The following MMAB variants were observed in gnomAD, a reference collection of about 807,000 sequenced individuals.
The protein encoded by MMAB is metabolism of cobalamin associated B, also known as corrinoid adenosyltransferase MMAB.
Under a neutral mutation model 30.6 loss-of-function variants are expected in MMAB, and 17 were observed. The observed-to-expected ratio is 0.56, with a 90% CI of 0.38 to 0.83. The LOEUF (loss-of-function observed/expected upper bound fraction) is 0.83, where lower values mean the gene tolerates loss of function less well. Among genes scored for constraint, MMAB ranks in the 40% least tolerant of loss-of-function variants. The pLI, the probability that MMAB is intolerant of heterozygous loss-of-function variation, is 0.00. For synonymous variants in MMAB, 134 were observed against 138.6 expected (o/e 0.97, Z 0.23); for missense variants, 311 against 331.6 (o/e 0.94, Z 0.48).
chr12:109,561,061 A>C lies in MMAB; in HGVS notation c.563T>G (p.Val188Gly), dbSNP rs869320654. The C allele has an allele frequency of 6.3e-7, 1 of 1,587,496 alleles. No individual in the cohort carries two copies. Among genetic ancestry groups the C allele is most frequent in the Middle Eastern group, 1.7e-4 (1 of 5,944 alleles). Reference sequence around the variant, plus strand: ...TTACCGTCTCTCGGCCCGGCGGCACACGGCCCGGCAGAAATGCAGCGCCGA... The same window carrying C: ...TTACCGTCTCTCGGCCCGGCGGCACCCGGCCCGGCAGAAATGCAGCGCCGA... ...ISSALHFCRAVCRRAERRVVP... is the reference protein window; with the variant it reads ...ISSALHFCRAGCRRAERRVVP... The change falls in exon 7 of 9, where the codon GTG becomes GGG. Residue 188 changes from valine to glycine, a missense_variant. Transcript: ENST00000545712. The surrounding 1 kb of genome is among the most constrained non-coding windows in gnomAD (Gnocchi z 5.3).
Position 109,566,463 on chromosome 12 carries a change from G to A in MMAB, c.291-1287C>T, listed in dbSNP as rs532604340. On this transcript the variant is annotated intron_variant, in intron 3 of 8. Transcript: ENST00000545712. ...CCAAAGGGAGGGCTGTGCAGGCTGGGACACAGTCTGTCTCCATCATAGCGG... is the reference window on the plus strand; with the variant it reads ...CCAAAGGGAGGGCTGTGCAGGCTGGAACACAGTCTGTCTCCATCATAGCGG... Among the ~76,000 whole-genome samples, 3 of 152,370 alleles carry A rather than the reference G, an allele frequency of 2.0e-5. No individual in the cohort carries two copies. The South Asian group carries it at 6.2e-4, about 32-fold the overall frequency.
chr12:109,572,493 ACTC>A (rs1884681945), intron 1 of MMAB, among the ~76,000 whole-genome samples: 1 of 145,984 alleles, frequency 6.9e-6, no homozygotes, highest in South Asian at 2.2e-4. Flanking sequence ...CTCAAGCAAT[ACTC>A]CTGCCTCAAA....
chr12:109,573,425 C>A lies in MMAB; in HGVS notation c.56G>T (p.Arg19Leu), dbSNP rs10774775. The A allele has an allele frequency of 6.2e-7, 1 of 1,608,014 alleles. No individual in the cohort carries two copies. ...RLGLGSRLGL[R>L]GCFGAARLLY... Reference sequence around the variant, plus strand: ...GAGCCTGGCGGCGCCGAAGCACCCGCGCAGGCCAAGACGGCTCCCCAGGCC... The same window carrying A: ...GAGCCTGGCGGCGCCGAAGCACCCGAGCAGGCCAAGACGGCTCCCCAGGCC... Residue 19 changes from arginine (R) to leucine (L), a missense_variant, in exon 1 of 9, where the codon CGC becomes CTC. Coordinates refer to ENST00000545712, the MANE Select transcript of MMAB (RefSeq NM_052845.4).
rs563277668 is a variant in MMAB, at chr12:109,564,959, T to C, written c.348+160A>G. On this transcript the variant is annotated intron_variant, in intron 4 of 8. Transcript: ENST00000545712. ...CTGAGATTGCAGGTGTGAGCCACCA[T>C]ACCTGGCCTGTCCGCATTTTACAGA... The C allele has an allele frequency of 6.6e-6, 5 of 761,216 alleles. No individual in the cohort carries two copies. In the Admixed American group the frequency reaches 7.0e-5, roughly 11 times the overall value. 47.2% of individuals were successfully genotyped at this position (761,216 alleles called of 1,614,324 possible). A position where few individuals can be genotyped will look rare whatever the true frequency, so the allele number is the denominator to read the frequency against.
At position 109,563,717 on chromosome 12, in the gene MMAB, C is replaced by T. The variant is rs72650189; in HGVS notation, c.348+1402G>A. 9.0e-4 allele frequency among the ~76,000 whole-genome samples: 137 copies of T among 152,344 alleles called. 1 individual carries two copies. Among genetic ancestry groups the T allele is most frequent in the Non-Finnish European group, 5.1e-4 (35 of 68,028 alleles). ...TCAGGAGGTTGAAAGCCTTCCTCCACCACACAGAATGTTCTGGCAGCTGAG... is the reference window on the plus strand; with the variant it reads ...TCAGGAGGTTGAAAGCCTTCCTCCATCACACAGAATGTTCTGGCAGCTGAG... On this transcript the variant is annotated intron_variant, in intron 4 of 8. Transcript: ENST00000545712.
At chr12:109,570,496 C>CTT (rs1593005333) in intron 2 of MMAB, among the ~76,000 whole-genome samples, 2 of 152,278 alleles carry the variant, frequency 1.3e-5, no homozygotes, top group East Asian at 3.9e-4. Flanking sequence ...CCCGTACATG[C>CTT]TTTTATACTT....
intron 7 of MMAB, 50 bp from the exon 8 acceptor site, chr12:109,559,205 G>C (rs952626693): frequency 1.4e-6 from 2 of 1,393,244 alleles, no homozygotes; most frequent in Non-Finnish European, 2.0e-6. Context: ...GGCTCAACAG[G>C]CTCTGACCTG....
Position 109,555,603 on chromosome 12 carries a change from C to T in MMAB, c.*1425G>A, listed in dbSNP as rs1470517396. ...GCAAACACTGAGCACCGACTCCGTA[C>T]CAGACCTGGTAGTGACGATGGGGGC... is the stretch of plus-strand genomic sequence containing the variant. On this transcript the variant is annotated 3_prime_UTR_variant, in exon 9 of 9. Transcript: ENST00000545712. 2.2e-6 allele frequency: 1 copy of T among 451,654 alleles called. No individual in the cohort carries two copies. The highest frequency in any genetic ancestry group is 4.4e-6 in the Non-Finnish European group (1 of 225,586). 28.0% of individuals were successfully genotyped at this position (451,654 alleles called of 1,614,324 possible).
At position 109,553,983 on chromosome 12, in the gene MMAB, G is replaced by A. The variant is rs1380058983; in HGVS notation, c.*3045C>T. 2.2e-6 allele frequency: 1 copy of A among 453,964 alleles called. No individual in the cohort carries two copies. The highest frequency in any genetic ancestry group is 2.0e-5 in the African/African-American group (1 of 50,008). 28.1% of individuals were successfully genotyped at this position (453,964 alleles called of 1,614,324 possible). On this transcript the variant is annotated 3_prime_UTR_variant, in exon 9 of 9. Transcript: ENST00000545712. ...AAAAACGCACATTAACGATAGCCAT[G>A]AAATATTAGTTAAGGGAAACTAGGT...
Position 109,568,869 on chromosome 12 carries a change from G to GA in MMAB, c.197-7dup. On this transcript the variant is annotated splice_region_variant and splice_polypyrimidine_tract_variant and intron_variant, in intron 2 of 8. Coordinates refer to ENST00000545712, the MANE Select transcript of MMAB (RefSeq NM_052845.4). The stretch of plus-strand genomic sequence containing the variant: ...TGTGAAGGTACTAGAAAACCCTGTG[G>GA]AAAAAAATGTTTAGCCACCCAAATT... 2 of 1,608,108 alleles carry GA rather than the reference G, an allele frequency of 1.2e-6. No homozygotes were observed. Among genetic ancestry groups the GA allele is most frequent in the East Asian group, 2.2e-5 (1 of 44,852 alleles).
At position 109,561,860 on chromosome 12, in the gene MMAB, G is replaced by A. The variant is rs1468191738; in HGVS notation, c.349-8C>T. Reference sequence around the variant, plus strand: ...CTGCAATGTGCACTGGATCTGGGGGGCGACAGAAAGTGACAGTCAAGATCT... The same window carrying A: ...CTGCAATGTGCACTGGATCTGGGGGACGACAGAAAGTGACAGTCAAGATCT... On this transcript the variant is annotated splice_polypyrimidine_tract_variant and splice_region_variant and intron_variant, in intron 4 of 8. Coordinates refer to ENST00000545712, the MANE Select transcript of MMAB (RefSeq NM_052845.4). This position sits in a 1 kb window ranked among gnomAD's most constrained non-coding sequence, Gnocchi z 5.3. 1 of 1,599,254 alleles carries A rather than the reference G, an allele frequency of 6.3e-7. No individual in the cohort carries two copies. Among genetic ancestry groups the A allele is most frequent in the Non-Finnish European group, 8.5e-7 (1 of 1,171,824 alleles).
intron 3 of MMAB, among the ~76,000 whole-genome samples, chr12:109,567,479 T>TAG (rs1171949179): frequency 2.0e-5 from 3 of 152,136 alleles, no homozygotes; most frequent in African/African-American, 4.8e-5. Flanking sequence ...AGACTGTTGC[T>TAG]GCTCCCCCTG....
chr12:109,560,304 T>C (rs1261213916), intron 7 of MMAB, among the ~76,000 whole-genome samples: 1 of 152,142 alleles, frequency 6.6e-6, no homozygotes, highest in Non-Finnish European at 1.5e-5. Context: ...CATGGTGTCA[T>C]TTCTCTGAGC....
chr12:109,556,995 G>A lies in MMAB; in HGVS notation c.*33C>T. On this transcript the variant is annotated 3_prime_UTR_variant, in exon 9 of 9. Coordinates refer to ENST00000545712, the MANE Select transcript of MMAB (RefSeq NM_052845.4). ...TCCTCTCTCCACGGCCATCGCCATGGAGGGATCCTCCAAGCTCCCACTTTC... is the reference window on the plus strand; with the variant it reads ...TCCTCTCTCCACGGCCATCGCCATGAAGGGATCCTCCAAGCTCCCACTTTC... 1.4e-6 allele frequency: 2 copies of A among 1,442,214 alleles called. No individual in the cohort carries two copies. Among genetic ancestry groups the A allele is most frequent in the South Asian group, 2.3e-5 (2 of 87,764 alleles). 89.3% of individuals were successfully genotyped at this position (1,442,214 alleles called of 1,614,324 possible).
chr12:109,554,303 GTGAC>G lies in MMAB; in HGVS notation c.*2721_*2724del, dbSNP rs1440805759. ...TTCCACAGTGCGGGCTGGTGTCACT[GTGAC>G]TGTGGGCTTCTCTCTGACACAAGAG... On this transcript the variant is annotated 3_prime_UTR_variant, in exon 9 of 9. Coordinates refer to ENST00000545712, the MANE Select transcript of MMAB (RefSeq NM_052845.4). 2.2e-6 allele frequency: 1 copy of G among 453,976 alleles called. No homozygotes were observed. Among genetic ancestry groups the G allele is most frequent in the East Asian group, 6.9e-5 (1 of 14,402 alleles). 28.1% of individuals were successfully genotyped at this position (453,976 alleles called of 1,614,324 possible). A position where few individuals can be genotyped will look rare whatever the true frequency, so the allele number is the denominator to read the frequency against.
chr12:109,571,849 T>C (rs1167842978), intron 1 of MMAB, 139 bp from the exon 2 acceptor site: 3 of 734,386 alleles, frequency 4.1e-6, no homozygotes, highest in Non-Finnish European at 4.9e-6. Context: ...TCATCTCTTG[T>C]TGATTTCTTT....
chr12:109,565,108 G>T lies in MMAB; in HGVS notation c.348+11C>A. 1 of 1,610,532 alleles carries T rather than the reference G, an allele frequency of 6.2e-7. No homozygotes were observed. The highest frequency in any genetic ancestry group is 8.5e-7 in the Non-Finnish European group (1 of 1,176,756). ...GAAGATTCCCAGCTTGGGTGAGATG[G>T]TGTTACTCACTTTCTGAAGCTCTTC... On this transcript the variant is annotated intron_variant, in intron 4 of 8. Coordinates refer to ENST00000545712, the MANE Select transcript of MMAB (RefSeq NM_052845.4).
Position 109,571,841 on chromosome 12 carries a change from A to G in MMAB, c.135-131T>C, listed in dbSNP as rs1327021411. The G allele has an allele frequency of 9.3e-6, 7 of 751,438 alleles. No individual in the cohort carries two copies. The African/African-American group carries it at 1.2e-4, about 13-fold the overall frequency. 46.5% of individuals were successfully genotyped at this position (751,438 alleles called of 1,614,324 possible). ...CTTACCCCTTACTGCTTAGATGGTC[A>G]TCTCTTGTTGATTTCTTTCCCCTAG... is the stretch of plus-strand genomic sequence containing the variant. On this transcript the variant is annotated intron_variant, in intron 1 of 8. Coordinates refer to ENST00000545712, the MANE Select transcript of MMAB (RefSeq NM_052845.4).
rs943685137 is a variant in MMAB at position 109,558,472 on chromosome 12, T to C, written c.644+624A>G. On this transcript the variant is annotated intron_variant, in intron 8 of 8. Coordinates refer to ENST00000545712, the MANE Select transcript of MMAB (RefSeq NM_052845.4). This position sits in a 1 kb window ranked among gnomAD's most constrained non-coding sequence, Gnocchi z 4.3. The stretch of plus-strand genomic sequence containing the variant: ...GTGCAGACCTGCTCCCCCAGCTCTC[T>C]ACCTGCCCCCAGGCTCTGGCCTTGC... Among the ~76,000 whole-genome samples the C allele has an allele frequency of 5.9e-5, 9 of 152,090 alleles. No homozygotes were observed. Among genetic ancestry groups the C allele is most frequent in the African/African-American group, 2.2e-4 (9 of 41,434 alleles).
Sources: gnomAD v4.1 joint callset for allele counts (sites outside exome capture counted in the v4.1 genomes callset) on GRCh38, gnomAD v4.1.1 for gene constraint, Gnocchi (gnomAD v3.1) non-coding constraint, MANE v1.5 for transcripts, NCBI Gene and HGNC (gene_info 2026-07-23, HGNC 2026-07-21) for gene names.